PALLD: variants seen among roughly 807,000 people sequenced by gnomAD.
The protein encoded by PALLD is palladin.
In PALLD, 61 loss-of-function variants were observed where a neutral mutation model predicts 123.5. That is an observed-to-expected ratio of 0.49 (90% CI 0.40 to 0.61). The LOEUF is 0.61. Among genes scored for constraint, PALLD ranks in the 20% least tolerant of loss-of-function variants. The pLI, the probability that PALLD is intolerant of heterozygous loss-of-function variation, is 0.00. For synonymous variants in PALLD, 465 were observed against 496.4 expected, an observed-to-expected ratio of 0.94 and a Z score of 0.84; for missense variants, 1,273 against 1,377.0, an observed-to-expected ratio of 0.92 and a Z score of 1.20.
At chr4:168,799,974 C>A (rs1739087321) in intron 10 of PALLD, among the ~76,000 whole-genome samples, 1 of 152,142 alleles carries the variant, frequency 6.6e-6, no homozygotes, top group African/African-American at 2.4e-5. Flanking sequence ...ATCACACTTA[C>A]ATATTCTTAC....
chr4:168,717,441 C>A (rs1186095742), intron 10 of PALLD, among the ~76,000 whole-genome samples: 2 of 152,080 alleles, frequency 1.3e-5, no homozygotes, highest in Non-Finnish European at 2.9e-5. Context: ...ACCTCCACAT[C>A]CTGGGTGCAA....
rs754385969 is a variant in PALLD, at chr4:168,592,347, AAGGGGTCATG to A, written c.909-75839_909-75830del. Among the ~76,000 whole-genome samples the A allele has an allele frequency of 2.1e-4, 32 of 152,046 alleles. 1 individual carries two copies. The highest frequency in any genetic ancestry group is 1.4e-3 in the Admixed American group (22 of 15,260). ...CCTATTATGGATTTTTATGAGCTTGAAGGGGTCATGAGGAAGAGTCCCAACTATATCATAG... is the reference window on the plus strand; with the variant it reads ...CCTATTATGGATTTTTATGAGCTTGAAGGAAGAGTCCCAACTATATCATAG... On this transcript the variant is annotated intron_variant, in intron 2 of 21. Transcript: ENST00000505667.
intron 10 of PALLD, among the ~76,000 whole-genome samples, chr4:168,730,628 C>G (rs1787072418): frequency 6.6e-6 from 1 of 151,986 alleles, no homozygotes; most frequent in Non-Finnish European, 1.5e-5. Context: ...GCAGGCTTTA[C>G]CCTAGGATTG....
intron 2 of PALLD, among the ~76,000 whole-genome samples, chr4:168,516,162 T>TA (rs1299579712): frequency 1.3e-5 from 2 of 152,154 alleles, no homozygotes; most frequent in Non-Finnish European, 1.5e-5. Flanking sequence ...ACCCTATGCA[T>TA]AAAAAAGGAC....
At chr4:168,775,758 C>T (rs952472686) in intron 10 of PALLD, among the ~76,000 whole-genome samples, 1 of 152,098 alleles carries the variant, frequency 6.6e-6, no homozygotes, top group Non-Finnish European at 1.5e-5. Context: ...TTTGCATATG[C>T]ATTTGATTGT....
chr4:168,715,079 A>G (rs1314004381), intron 10 of PALLD, among the ~76,000 whole-genome samples: 1 of 152,072 alleles, frequency 6.6e-6, no homozygotes, highest in Non-Finnish European at 1.5e-5. Flanking sequence ...CCGCTCATAA[A>G]GTAGGGGTTC....
intron 10 of PALLD, among the ~76,000 whole-genome samples, chr4:168,852,816 T>C (rs1236744675): frequency 6.6e-6 from 1 of 152,222 alleles, no homozygotes; most frequent in Non-Finnish European, 1.5e-5. Flanking sequence ...TTCTCTTAAT[T>C]CCCTCTAATG....
intron 10 of PALLD, among the ~76,000 whole-genome samples, chr4:168,847,743 C>T (rs76959624): frequency 0.016 from 2,404 of 152,082 alleles, 60 homozygotes; most frequent in African/African-American, 0.055. Flanking sequence ...ACATGCAATG[C>T]GTAATAATCA....
At chr4:168,577,942 G>A (rs186211209) in intron 2 of PALLD, among the ~76,000 whole-genome samples, 6 of 152,064 alleles carry the variant, frequency 3.9e-5, no homozygotes, top group East Asian at 1.9e-4. Context: ...GAATGGGGGC[G>A]GGGCGGGGGG....
chr4:168,894,570 G>A lies in PALLD; in HGVS notation c.2101-9G>A, dbSNP rs368890611. On this transcript the variant is annotated splice_polypyrimidine_tract_variant and intron_variant, in intron 11 of 21. Coordinates refer to ENST00000505667, the MANE Select transcript of PALLD (RefSeq NM_001166108.2). ...TAATTTTGTATTTTTTGTGACTTAC[G>A]TTGTTTAGAGGTTAACATACGAAGA... 77 of 1,590,328 alleles carry A rather than the reference G, an allele frequency of 4.8e-5. No homozygotes were observed. Among genetic ancestry groups the A allele is most frequent in the African/African-American group, 4.4e-4 (33 of 74,284 alleles).
At chr4:168,627,582 T>C (rs1775421992) in intron 2 of PALLD, among the ~76,000 whole-genome samples, 1 of 152,094 alleles carries the variant, frequency 6.6e-6, no homozygotes, top group Admixed American at 6.6e-5. Context: ...TCAGAGTATA[T>C]AGGATAAGAC....
chr4:168,577,181 A>G (rs1769706316), intron 2 of PALLD, among the ~76,000 whole-genome samples: 1 of 152,142 alleles, frequency 6.6e-6, no homozygotes, highest in Non-Finnish European at 1.5e-5. Context: ...CTGAATTGGT[A>G]ACACGTTGAT....
intron 10 of PALLD, among the ~76,000 whole-genome samples, chr4:168,770,879 C>G (rs1175810391): frequency 6.6e-6 from 1 of 152,068 alleles, no homozygotes; most frequent in Non-Finnish European, 1.5e-5. Flanking sequence ...GCCAACATGG[C>G]AAAACCCCGT....
At chr4:168,759,224 T>A (rs1456050983) in intron 10 of PALLD, among the ~76,000 whole-genome samples, 1,157 of 33,888 alleles carry the variant, frequency 0.034, 198 homozygotes, top group African/African-American at 0.06. Flanking sequence ...TATATATATA[T>A]ATATATATAT....
At chr4:168,607,385 T>C (rs1773287568) in intron 2 of PALLD, among the ~76,000 whole-genome samples, 2 of 152,174 alleles carry the variant, frequency 1.3e-5, no homozygotes, top group African/African-American at 2.4e-5. Flanking sequence ...GAGGTGTAAC[T>C]GATTGATTAC....
intron 2 of PALLD, among the ~76,000 whole-genome samples, chr4:168,540,224 G>A (rs190523158): frequency 6.0e-4 from 92 of 152,234 alleles, no homozygotes; most frequent in Admixed American, 1.5e-3. Context: ...TTCCATAGTC[G>A]TCATAGGCGA....
chr4:168,731,084 G>C (rs930644721), intron 10 of PALLD, among the ~76,000 whole-genome samples: 1 of 152,164 alleles, frequency 6.6e-6, no homozygotes, highest in African/African-American at 2.4e-5. Flanking sequence ...GAGGAATCTA[G>C]TGATCAAGGT....
chr4:168,826,673 A>G (rs764139251), intron 10 of PALLD, among the ~76,000 whole-genome samples: 28 of 152,088 alleles, frequency 1.8e-4, no homozygotes, highest in East Asian at 1.5e-3. Context: ...AACAAAATTA[A>G]AAGGCAAAAA....
intron 10 of PALLD, among the ~76,000 whole-genome samples, chr4:168,827,768 C>T (rs1167430104): frequency 3.3e-5 from 5 of 152,142 alleles, no homozygotes; most frequent in African/African-American, 7.2e-5. Flanking sequence ...AAAGGCCAGG[C>T]GCGGTGGCTC....
Sources: allele counts gnomAD v4.1 joint callset (sites outside exome capture counted in the v4.1 genomes callset), GRCh38; gene constraint gnomAD v4.1.1; transcripts MANE v1.5; gene names NCBI Gene and HGNC (gene_info 2026-07-23, HGNC 2026-07-21).